The following TNFSF14 variants were observed in gnomAD, a reference collection of about 807,000 sequenced individuals.
TNFSF14 encodes the protein tumor necrosis factor ligand superfamily member 14.
A neutral mutation model predicts 22.7 loss-of-function variants in TNFSF14; 15 were observed. The observed-to-expected ratio is 0.66, with a 90% CI of 0.44 to 1.02. The LOEUF is 1.02. Among genes scored for constraint, TNFSF14 ranks in the 50% least tolerant of loss-of-function variants. TNFSF14 has a pLI of 0.00. For synonymous variants in TNFSF14, 133 were observed against 139.6 expected, an observed-to-expected ratio of 0.95 and a Z score of 0.33; for missense variants, 287 against 326.2, an observed-to-expected ratio of 0.88 and a Z score of 0.93.
chr19:6,661,969 A>T lies in TNFSF14; in HGVS notation c.*2957T>A, dbSNP rs990621825. 2.6e-5 allele frequency: 4 copies of T among 152,238 alleles called. No individual in the cohort carries two copies. The East Asian group carries it at 7.7e-4, about 29-fold the overall frequency. 9.4% of individuals were successfully genotyped at this position (152,238 alleles called of 1,614,324 possible). A position where few individuals can be genotyped will look rare whatever the true frequency, so the allele number is the denominator to read the frequency against. On this transcript the variant is annotated 3_prime_UTR_variant, in exon 4 of 4. Transcript: ENST00000675206. ...GCCTGCATTTCCACTGCAATCTATC[A>T]CATGTGATGAGTTGTGGAATTTCCC...
chr19:6,666,061 G>A (rs1404331770), intron 3 of TNFSF14, among the ~76,000 whole-genome samples: 7 of 152,062 alleles, frequency 4.6e-5, no homozygotes, highest in Non-Finnish European at 1.5e-5. Flanking sequence ...TGCAGGTGGG[G>A]AAACTGAGGC....
chr19:6,663,081 G>A lies in TNFSF14; in HGVS notation c.*1845C>T, dbSNP rs148085223. On this transcript the variant is annotated 3_prime_UTR_variant, in exon 4 of 4. Transcript: ENST00000675206. Reference sequence around the variant, plus strand: ...CTCCCTTTCCCTGTGGGGCTCTTTAGGCCTGACAATTCCTCTCCACCCTTC... The same window carrying A: ...CTCCCTTTCCCTGTGGGGCTCTTTAAGCCTGACAATTCCTCTCCACCCTTC... The A allele has an allele frequency of 0.011, 1,611 of 152,336 alleles. 20 individuals are homozygous for A. Among genetic ancestry groups the A allele is most frequent in the Non-Finnish European group, 0.016 (1,087 of 68,058 alleles). The allele number at this position is 152,336 out of a possible 1,614,324, so 9.4% of individuals were successfully genotyped here. A position where few individuals can be genotyped will look rare whatever the true frequency, so the allele number is the denominator to read the frequency against.
Position 6,669,858 on chromosome 19 carries a change from C to T in TNFSF14, c.212G>A (p.Arg71His), listed in dbSNP as rs770580746. The T allele has an allele frequency of 6.8e-6, 11 of 1,611,936 alleles. No homozygotes were observed. The highest frequency in any genetic ancestry group is 1.7e-4 in the Middle Eastern group (1 of 5,924). Residue 71 changes from arginine to histidine, a missense_variant, in exon 1 of 4, where the codon CGC (arginine) becomes CAC (histidine). Coordinates refer to ENST00000675206, the MANE Select transcript of TNFSF14 (RefSeq NM_001376887.1). ...LHWRLGEMVT[R>H]LPDGPAGSWE... ...CCCCCCGGTCCCACTCACAGGCAGG[C>T]GGGTGACCATCTCTCCTAGACGCCA...
rs914610554 is a variant in TNFSF14, at chr19:6,670,084, G to A, written c.-15C>T. 8 of 1,611,406 alleles carry A rather than the reference G, an allele frequency of 5.0e-6. No individual in the cohort carries two copies. Among genetic ancestry groups the A allele is most frequent in the East Asian group, 2.2e-5 (1 of 44,792 alleles). ...CTCTCCTCCATGCCCAAGGTGTCTG[G>A]AGCAGGGCTGACACGCCTGGGTCCT... On this transcript the variant is annotated 5_prime_UTR_variant, in exon 1 of 4. Transcript: ENST00000675206.
intron 1 of TNFSF14, 24 bp from the exon 2 acceptor site, chr19:6,667,473 G>A (rs142924793): frequency 9.5e-6 from 15 of 1,571,744 alleles, no homozygotes; most frequent in Admixed American, 2.1e-5. Context: ...AGGGGCCTGC[G>A]GTAAGAACCT....
rs1008078784 is a variant in TNFSF14 at position 6,661,688 on chromosome 19, G to A, written c.*3238C>T. 1.3e-5 allele frequency: 2 copies of A among 152,220 alleles called. No homozygotes were observed. Among genetic ancestry groups the A allele is most frequent in the Admixed American group, 1.3e-4 (2 of 15,266 alleles). The allele number at this position is 152,220 out of a possible 1,614,324, so 9.4% of individuals were successfully genotyped here. On this transcript the variant is annotated 3_prime_UTR_variant, in exon 4 of 4. Transcript: ENST00000675206. The stretch of plus-strand genomic sequence containing the variant: ...CTGCCTGGCCCTCTCAGCTAAGGGA[G>A]AGTCAATCACGTTAAACACAAGGTA...
At position 6,664,630 on chromosome 19, in the gene TNFSF14, C is replaced by CAAA; in HGVS notation, c.*295_*296insTTT. 1 of 222,444 alleles carries CAAA rather than the reference C, an allele frequency of 4.5e-6. No homozygotes were observed. Among genetic ancestry groups the CAAA allele is most frequent in the Non-Finnish European group, 8.8e-6 (1 of 113,486 alleles). The allele number at this position is 222,444 out of a possible 1,614,324, so 13.8% of individuals were successfully genotyped here. On this transcript the variant is annotated 3_prime_UTR_variant, in exon 4 of 4. Transcript: ENST00000675206. This position sits in a 1 kb window ranked among gnomAD's most constrained non-coding sequence, Gnocchi z 4.7. Reference sequence around the variant, plus strand: ...CTCGGCTCACTGCAACCTCCGCCTCCCGGGTTTAAGCAAAATTATCCTGCC... The same window carrying CAAA: ...CTCGGCTCACTGCAACCTCCGCCTCCAAACGGGTTTAAGCAAAATTATCCTGCC...
At chr19:6,666,344 G>C (rs1266404704) in intron 3 of TNFSF14, among the ~76,000 whole-genome samples, 1 of 149,146 alleles carries the variant, frequency 6.7e-6, no homozygotes, top group South Asian at 2.1e-4. Context: ...TGAGGGTGCC[G>C]TGAGCCGTGA....
At chr19:6,668,526 T>C (rs344559) in intron 1 of TNFSF14, among the ~76,000 whole-genome samples, 27,714 of 151,812 alleles carry the variant, frequency 0.18, 2,610 homozygotes, top group Middle Eastern at 0.3. Flanking sequence ...GCCAACATGG[T>C]GAAACCCCGT....
intron 1 of TNFSF14, among the ~76,000 whole-genome samples, chr19:6,668,460 C>T (rs191851741): frequency 6.6e-6 from 1 of 152,236 alleles, no homozygotes; most frequent in East Asian, 1.9e-4. Flanking sequence ...AATCCCAGCA[C>T]TTTGGGAGGC....
intron 3 of TNFSF14, among the ~76,000 whole-genome samples, chr19:6,665,757 C>A (rs1420016677): frequency 6.7e-6 from 1 of 150,218 alleles, no homozygotes; most frequent in African/African-American, 2.5e-5. Context: ...CACCACTAGG[C>A]TGTTTGTGTG....
In TNFSF14 at chr19:6,663,920, G is replaced by C. The variant is rs1167837327; in HGVS notation, c.*1006C>G. ...GGACAGATCCGTGGTGTCCTATTAGGGATGTCTATGCTTGGCAGTGATGAA... is the reference window on the plus strand; with the variant it reads ...GGACAGATCCGTGGTGTCCTATTAGCGATGTCTATGCTTGGCAGTGATGAA... On this transcript the variant is annotated 3_prime_UTR_variant, in exon 4 of 4. Coordinates refer to ENST00000675206, the MANE Select transcript of TNFSF14 (RefSeq NM_001376887.1). 2 of 152,192 alleles carry C rather than the reference G, an allele frequency of 1.3e-5. No individual in the cohort carries two copies. Among genetic ancestry groups the C allele is most frequent in the African/African-American group, 4.8e-5 (2 of 41,424 alleles). The allele number at this position is 152,192 out of a possible 1,614,324, so 9.4% of individuals were successfully genotyped here. A position where few individuals can be genotyped will look rare whatever the true frequency, so the allele number is the denominator to read the frequency against.
chr19:6,669,922 C>T lies in TNFSF14; in HGVS notation c.148G>A (p.Gly50Arg). ...AGGAACCAGCCTTGGACGGCCAGCCCGGCCCCCATCAGCAACAGCAAGAGA... is the reference window on the plus strand; with the variant it reads ...AGGAACCAGCCTTGGACGGCCAGCCTGGCCCCCATCAGCAACAGCAAGAGA... ...LGLLLLLMGA[G>R]LAVQGWFLLQ... is the part of the protein sequence containing the mutation. Residue 50 changes from glycine (G) to arginine (R), a missense_variant, in exon 1 of 4, where the codon GGG (glycine) becomes AGG (arginine). Transcript: ENST00000675206. 2 of 1,613,986 alleles carry T rather than the reference C, an allele frequency of 1.2e-6. No individual in the cohort carries two copies. Among genetic ancestry groups the T allele is most frequent in the Non-Finnish European group, 1.7e-6 (2 of 1,179,992 alleles).
intron 1 of TNFSF14, among the ~76,000 whole-genome samples, chr19:6,667,746 G>C (rs976727558): frequency 6.6e-6 from 1 of 152,230 alleles, no homozygotes; most frequent in African/African-American, 2.4e-5. Context: ...ATGCACTAGA[G>C]AAAGGTTTAA....
At chr19:6,669,775 GAC>G in intron 1 of TNFSF14, 74 bp downstream of exon 1, 3 of 1,373,304 alleles carry the variant, frequency 2.2e-6, no homozygotes, top group Admixed American at 3.8e-5. Flanking sequence ...CACACACACA[GAC>G]ACACAGTGAC....
At chr19:6,667,229 T>A in intron 2 of TNFSF14, 75 bp from the exon 3 acceptor site, 1 of 1,474,272 alleles carries the variant, frequency 6.8e-7, no homozygotes, top group Admixed American at 2.5e-5. Flanking sequence ...GGCCACCGTG[T>A]ACACCTCCTG....
chr19:6,662,966 T>C lies in TNFSF14; in HGVS notation c.*1960A>G, dbSNP rs1361616017. The C allele has an allele frequency of 6.6e-6, 1 of 152,218 alleles. No individual in the cohort carries two copies. Among genetic ancestry groups the C allele is most frequent in the African/African-American group, 2.4e-5 (1 of 41,434 alleles). 9.4% of individuals were successfully genotyped at this position (152,218 alleles called of 1,614,324 possible). On this transcript the variant is annotated 3_prime_UTR_variant, in exon 4 of 4. Transcript: ENST00000675206. ...GAGCCAACTGGGTCCAGGTTCCTCA[T>C]CTGTAGAATGACCTCCATGGGTCAT...
At chr19:6,665,401 T>A in intron 3 of TNFSF14, 51 bp from the exon 4 acceptor site, 1 of 1,461,402 alleles carries the variant, frequency 6.8e-7, no homozygotes, top group Non-Finnish European at 9.1e-7. Flanking sequence ...CATGTCTTCC[T>A]CTGTTGCTTG....
Position 6,664,161 on chromosome 19 carries a change from A to G in TNFSF14, c.*765T>C. 6.6e-6 allele frequency: 1 copy of G among 151,960 alleles called. No homozygotes were observed. Among genetic ancestry groups the G allele is most frequent in the Non-Finnish European group, 1.5e-5 (1 of 67,998 alleles). 9.4% of individuals were successfully genotyped at this position (151,960 alleles called of 1,614,324 possible). Reference sequence around the variant, plus strand: ...GCTGGGCTCTTCATGATGAGTCCCGATGATCAGTCTCCCGCCCACCCTGTC... The same window carrying G: ...GCTGGGCTCTTCATGATGAGTCCCGGTGATCAGTCTCCCGCCCACCCTGTC... On this transcript the variant is annotated 3_prime_UTR_variant, in exon 4 of 4. Transcript: ENST00000675206. This position sits in a 1 kb window ranked among gnomAD's most constrained non-coding sequence, Gnocchi z 4.7.
Sources: allele counts gnomAD v4.1 joint callset (sites outside exome capture counted in the v4.1 genomes callset), GRCh38; gene constraint gnomAD v4.1.1; non-coding constraint Gnocchi (gnomAD v3.1); transcripts MANE v1.5; gene names NCBI Gene and HGNC (gene_info 2026-07-23, HGNC 2026-07-21).